The following RAB38 variants were observed in gnomAD, a reference collection of about 807,000 sequenced individuals.
The protein encoded by RAB38 is ras-related protein Rab-38.
In RAB38, 15 loss-of-function variants were observed where a neutral mutation model predicts 18.4. That is an observed-to-expected ratio of 0.82 (90% CI 0.55 to 1.26). The LOEUF is 1.26. Among genes scored for constraint, RAB38 ranks in the 50% most tolerant of loss-of-function variants. RAB38 has a pLI of 0.00. For missense variants in RAB38, 294 were observed against 267.4 expected (o/e 1.10, Z -0.69); for synonymous variants, 101 against 104.4 (o/e 0.97, Z 0.20).
chr11:88,044,536 A>G, the RAB38 span, among the ~76,000 whole-genome samples: 1 of 152,104 alleles, frequency 6.6e-6, no homozygotes, highest in Non-Finnish European at 1.5e-5. Flanking sequence ...CTTGACCCCA[A>G]TACAAACTCG....
chr11:88,130,403 A>C (rs1942752613), intron 2 of RAB38, among the ~76,000 whole-genome samples: 1 of 152,230 alleles, frequency 6.6e-6, no homozygotes, highest in Non-Finnish European at 1.5e-5. Context: ...AACTTGAAGA[A>C]AATACTAAAG....
At chr11:88,022,626 A>AAC in the RAB38 span, among the ~76,000 whole-genome samples, 20 of 150,720 alleles carry the variant, frequency 1.3e-4, no homozygotes, top group African/African-American at 4.4e-4. Context: ...AAAAAAAAAA[A>AAC]AAAAAACAAC....
chr11:87,945,785 C>T, the RAB38 span, among the ~76,000 whole-genome samples: 4 of 152,234 alleles, frequency 2.6e-5, no homozygotes, highest in Admixed American at 6.5e-5. Context: ...ATTTTGTGCT[C>T]GTAAATGTAA....
chr11:87,873,922 G>GTGTGTATATATATATA, the RAB38 span, among the ~76,000 whole-genome samples: 97 of 103,086 alleles, frequency 9.4e-4, 1 homozygote, highest in African/African-American at 2.8e-3. Flanking sequence ...GTGTGTGTGT[G>GTGTGTATATATATATA]TATATATATA....
At chr11:87,951,497 GCT>G in the RAB38 span, among the ~76,000 whole-genome samples, 2 of 143,352 alleles carry the variant, frequency 1.4e-5, no homozygotes, top group Non-Finnish European at 3.0e-5. Flanking sequence ...TGGTTTTTCT[GCT>G]CTGTTTTTTT....
chr11:88,099,393 T>G, the RAB38 span, among the ~76,000 whole-genome samples: 1 of 151,910 alleles, frequency 6.6e-6, no homozygotes, highest in African/African-American at 2.4e-5. Flanking sequence ...ATTCATCACC[T>G]CTTCTTAAGT....
chr11:87,953,522 T>G, the RAB38 span, among the ~76,000 whole-genome samples: 1 of 151,702 alleles, frequency 6.6e-6, no homozygotes, highest in South Asian at 2.1e-4. Context: ...ATAATAAAAT[T>G]TATGTGAATG....
the RAB38 span, among the ~76,000 whole-genome samples, chr11:88,090,597 A>C: frequency 4.3e-5 from 2 of 46,122 alleles, no homozygotes; most frequent in Non-Finnish European, 1.1e-4. Flanking sequence ...AACAATGAGA[A>C]AAAAAAATCT....
chr11:87,841,465 T>C, the RAB38 span, among the ~76,000 whole-genome samples: 1 of 152,208 alleles, frequency 6.6e-6, no homozygotes, highest in Non-Finnish European at 1.5e-5. Context: ...CTCAAGTGAT[T>C]ATATTTCATA....
intron 2 of RAB38, among the ~76,000 whole-genome samples, chr11:88,143,896 C>T (rs555287436): frequency 3.3e-5 from 5 of 152,204 alleles, no homozygotes; most frequent in African/African-American, 4.8e-5. Flanking sequence ...TAAGCATTGA[C>T]GTAGGGAACC....
chr11:88,054,881 T>G, the RAB38 span, among the ~76,000 whole-genome samples: 1 of 152,222 alleles, frequency 6.6e-6, no homozygotes, highest in Non-Finnish European at 1.5e-5. Flanking sequence ...GACAAAGCCT[T>G]GGGCATGAGA....
At chr11:87,842,652 G>A in the RAB38 span, among the ~76,000 whole-genome samples, 1 of 152,018 alleles carries the variant, frequency 6.6e-6, no homozygotes, top group Non-Finnish European at 1.5e-5. Context: ...TAACTTGTTT[G>A]TTATTTTCTA....
chr11:88,142,914 G>A (rs551155642), intron 2 of RAB38, among the ~76,000 whole-genome samples: 6 of 152,250 alleles, frequency 3.9e-5, no homozygotes, highest in African/African-American at 1.2e-4. Flanking sequence ...CTTGGAAGAC[G>A]TATTTACACA....
the RAB38 span, among the ~76,000 whole-genome samples, chr11:87,922,768 A>T: frequency 5.9e-4 from 89 of 152,040 alleles, no homozygotes; most frequent in African/African-American, 2.1e-3. Context: ...CATATTTTAA[A>T]GGAATAAAAT....
At position 88,113,959 on chromosome 11, in the gene RAB38, T is replaced by C. The variant is rs1458905652; in HGVS notation, c.*29A>G. The C allele has an allele frequency of 1.9e-6, 3 of 1,613,314 alleles. No individual in the cohort carries two copies. The African/African-American group carries it at 4.0e-5, about 22-fold the overall frequency. On this transcript the variant is annotated 3_prime_UTR_variant, in exon 3 of 3. Transcript: ENST00000243662. Reference sequence around the variant, plus strand: ...CACAATTTGTGGAACAATGAGGTCATTCCTACCAGACACCAGCAAAGGTGC... The same window carrying C: ...CACAATTTGTGGAACAATGAGGTCACTCCTACCAGACACCAGCAAAGGTGC...
chr11:87,937,311 C>CATATATATATATATATATATAT, the RAB38 span, among the ~76,000 whole-genome samples: 4 of 82,690 alleles, frequency 4.8e-5, no homozygotes, highest in East Asian at 4.0e-4. Flanking sequence ...ACTTGGTCAT[C>CATATATATATATATATATATAT]ATATATATAT....
intron 2 of RAB38, among the ~76,000 whole-genome samples, chr11:88,143,898 T>C (rs1942949194): frequency 6.6e-6 from 1 of 152,230 alleles, no homozygotes. Context: ...AGCATTGACG[T>C]AGGGAACCTC....
intron 1 of RAB38, among the ~76,000 whole-genome samples, chr11:88,156,157 G>T (rs190840394): frequency 3.9e-5 from 6 of 151,988 alleles, no homozygotes. Context: ...TAGACATTTA[G>T]ATACAAAAAA....
chr11:88,046,565 C>T, the RAB38 span, among the ~76,000 whole-genome samples: 6,180 of 152,246 alleles, frequency 0.041, 160 homozygotes, highest in African/African-American at 0.075. Flanking sequence ...ACACAGACAG[C>T]TCCCATTACT....
Sources: allele counts gnomAD v4.1 joint callset (sites outside exome capture counted in the v4.1 genomes callset), GRCh38; gene constraint gnomAD v4.1.1; transcripts MANE v1.5; gene names NCBI Gene and HGNC (gene_info 2026-07-23, HGNC 2026-07-21).